THSD4: variants seen among roughly 807,000 people sequenced by gnomAD.
The protein encoded by THSD4 is thrombospondin type 1 domain containing 4.
THSD4 carries 69 observed loss-of-function variants against 119.0 expected under a neutral mutation model. That is an observed-to-expected ratio of 0.58 (90% CI 0.48 to 0.71). THSD4 has a LOEUF of 0.71. THSD4 is among the 30% of genes least tolerant of loss of function. The pLI is 0.00. For missense variants in THSD4, 1,393 were observed against 1,391.1 expected, an observed-to-expected ratio of 1.00 and a Z score of -0.02; for synonymous variants, 524 against 540.4, an observed-to-expected ratio of 0.97 and a Z score of 0.42.
At chr15:71,669,266 T>A (rs2051474673) in intron 8 of THSD4, among the ~76,000 whole-genome samples, 1 of 152,254 alleles carries the variant, frequency 6.6e-6, no homozygotes, top group South Asian at 2.1e-4. Flanking sequence ...TTGACATTTT[T>A]AAATTGCACT....
At chr15:71,545,032 A>G (rs1014961446) in intron 7 of THSD4, among the ~76,000 whole-genome samples, 4 of 152,206 alleles carry the variant, frequency 2.6e-5, no homozygotes, top group Non-Finnish European at 5.9e-5. Flanking sequence ...GGTAGTGTTC[A>G]GTGAATACAG....
chr15:71,270,024 C>T lies in THSD4; in HGVS notation c.1015+13309C>T, dbSNP rs144563997. Among the ~76,000 whole-genome samples, 348 of 152,238 alleles carry T rather than the reference C, an allele frequency of 2.3e-3. 2 individuals are homozygous for T. The highest frequency in any genetic ancestry group is 7.6e-3 in the African/African-American group (315 of 41,536). On this transcript the variant is annotated intron_variant, in intron 6 of 17. Coordinates refer to ENST00000261862, the MANE Select transcript of THSD4 (RefSeq NM_024817.3). ...CAATATTGTGAAAATGACCATACTG[C>T]CCAAAGTGATTTATAGATTCAATGC...
chr15:71,337,538 T>A (rs529439302), intron 6 of THSD4, among the ~76,000 whole-genome samples: 1 of 152,332 alleles, frequency 6.6e-6, no homozygotes, highest in Admixed American at 6.5e-5. Flanking sequence ...GATAAACAGG[T>A]CTGGCCTGAT....
chr15:71,768,288 C>G (rs1219134519), intron 16 of THSD4, among the ~76,000 whole-genome samples: 1 of 144,952 alleles, frequency 6.9e-6, no homozygotes, highest in African/African-American at 2.8e-5. Context: ...AAAAAAAAAC[C>G]CTGCACCTGT....
chr15:71,621,690 T>C (rs2050421200), intron 7 of THSD4, among the ~76,000 whole-genome samples: 1 of 152,228 alleles, frequency 6.6e-6, no homozygotes. Context: ...TTCATATTCA[T>C]TGATGGCTGA....
intron 7 of THSD4, among the ~76,000 whole-genome samples, chr15:71,631,171 G>T (rs979364371): frequency 6.6e-6 from 1 of 152,182 alleles, no homozygotes; most frequent in South Asian, 2.1e-4. Context: ...GGATCACCTG[G>T]GAAACATTCA....
chr15:71,520,420 C>T lies in THSD4; in HGVS notation c.1152+108597C>T, dbSNP rs116031059. On this transcript the variant is annotated intron_variant, in intron 7 of 17. Transcript: ENST00000261862. Reference sequence around the variant, plus strand: ...TAGGAGTGACTGCTCTTTCTTGAAGCTTCCCGTGGGGTGGGGCCCAGGGCC... The same window carrying T: ...TAGGAGTGACTGCTCTTTCTTGAAGTTTCCCGTGGGGTGGGGCCCAGGGCC... 6.0e-3 allele frequency among the ~76,000 whole-genome samples: 916 copies of T among 152,310 alleles called. 13 individuals carry two copies. The highest frequency in any genetic ancestry group is 0.021 in the African/African-American group (862 of 41,582).
intron 7 of THSD4, among the ~76,000 whole-genome samples, chr15:71,633,241 TTC>T (rs2050667473): frequency 6.6e-6 from 1 of 151,208 alleles, no homozygotes; most frequent in African/African-American, 2.4e-5. Context: ...AAAGCAGTAT[TTC>T]TTCTTTTCTT....
chr15:71,285,520 A>G (rs1413495940), intron 6 of THSD4, among the ~76,000 whole-genome samples: 1 of 152,208 alleles, frequency 6.6e-6, no homozygotes, highest in Non-Finnish European at 1.5e-5. Flanking sequence ...TACTTCACTA[A>G]TTGTTTTCCA....
chr15:71,174,616 C>G (rs1353532236), intron 3 of THSD4, among the ~76,000 whole-genome samples: 2 of 63,604 alleles, frequency 3.1e-5, no homozygotes, highest in African/African-American at 7.5e-5. Flanking sequence ...CCCGGAAGCT[C>G]GAACTGGGTG....
chr15:71,480,339 C>T (rs1358922807), intron 7 of THSD4, among the ~76,000 whole-genome samples: 1 of 152,106 alleles, frequency 6.6e-6, no homozygotes, highest in Admixed American at 6.5e-5. Context: ...TGCCCCGCCA[C>T]TTTTTTTGTT....
intron 6 of THSD4, among the ~76,000 whole-genome samples, chr15:71,396,437 T>G (rs2046456675): frequency 6.6e-6 from 1 of 152,202 alleles, no homozygotes; most frequent in Non-Finnish European, 1.5e-5. Flanking sequence ...TCTGACTTTC[T>G]CTGGTTTCCA....
intron 7 of THSD4, among the ~76,000 whole-genome samples, chr15:71,576,355 A>T (rs1178935509): frequency 1.3e-5 from 2 of 152,150 alleles, no homozygotes; most frequent in Non-Finnish European, 2.9e-5. Context: ...TTTGTTTTTA[A>T]AGATGTTTAG....
At chr15:71,676,345 G>A (rs753579892) in intron 8 of THSD4, among the ~76,000 whole-genome samples, 23 of 151,954 alleles carry the variant, frequency 1.5e-4, no homozygotes, top group African/African-American at 4.8e-4. Flanking sequence ...GCGGTGGCAC[G>A]ATCTCAGCTC....
At chr15:71,605,997 A>G (rs4430697) in intron 7 of THSD4, among the ~76,000 whole-genome samples, 66,465 of 151,934 alleles carry the variant, frequency 0.44, 14,841 homozygotes, top group East Asian at 0.75. Flanking sequence ...TATTTGAAGC[A>G]GGGAGGAGTC....
At chr15:71,499,158 C>G (rs1031629223) in intron 7 of THSD4, among the ~76,000 whole-genome samples, 7 of 152,064 alleles carry the variant, frequency 4.6e-5, no homozygotes, top group Non-Finnish European at 1.0e-4. Flanking sequence ...AAAGACAAAC[C>G]CTTCACTCTG....
In THSD4 at chr15:71,502,874, A is replaced by G. The variant is rs541129660; in HGVS notation, c.1152+91051A>G. On this transcript the variant is annotated intron_variant, in intron 7 of 17. Coordinates refer to ENST00000261862, the MANE Select transcript of THSD4 (RefSeq NM_024817.3). ...CAAAATAAGAACTATAATACTAAAT[A>G]TGCTGTTACTTCAGCCCTTGTATGT... Among the ~76,000 whole-genome samples the G allele has an allele frequency of 2.6e-5, 4 of 152,352 alleles. No individual in the cohort carries two copies. The East Asian group carries it at 5.8e-4, about 22-fold the overall frequency.
At chr15:71,371,402 T>C (rs1237617307) in intron 6 of THSD4, among the ~76,000 whole-genome samples, 3 of 152,244 alleles carry the variant, frequency 2.0e-5, no homozygotes, top group Non-Finnish European at 2.9e-5. Context: ...GGCATGTTTT[T>C]GCAGTGGCTG....
At chr15:71,399,255 C>T (rs2046491847) in intron 6 of THSD4, among the ~76,000 whole-genome samples, 2 of 152,270 alleles carry the variant, frequency 1.3e-5, no homozygotes, top group Admixed American at 1.3e-4. Context: ...GGTTCCTTGT[C>T]CTCCGTAGGC....
Sources: allele counts gnomAD v4.1 joint callset (sites outside exome capture counted in the v4.1 genomes callset), GRCh38; gene constraint gnomAD v4.1.1; transcripts MANE v1.5; gene names NCBI Gene and HGNC (gene_info 2026-07-23, HGNC 2026-07-21).